Variants in XG observed in about 807,000 individuals in gnomAD.
XG encodes glycoprotein Xg.
A neutral mutation model predicts 25.7 loss-of-function variants in XG; 24 were observed. That is an observed-to-expected ratio of 0.93 (90% CI 0.68 to 1.31). The LOEUF is 1.31. XG is among the 40% of genes most tolerant of loss of function. XG has a pLI of 0.00. For synonymous variants in XG, 77 were observed against 69.2 expected, an observed-to-expected ratio of 1.11 and a Z score of -0.56; for missense variants, 181 against 187.6, an observed-to-expected ratio of 0.96 and a Z score of 0.21.
chrX:2,790,961 T>C (rs1400990242), intron 5 of XG, among the ~76,000 whole-genome samples: 1 of 61,274 alleles, frequency 1.6e-5, no homozygotes, highest in Non-Finnish European at 3.8e-5. Flanking sequence ...ATTTAGTTGA[T>C]AGTAAATAAA....
At chrX:2,760,800 C>CCAA (rs1284038267) in intron 1 of XG, among the ~76,000 whole-genome samples, 1 of 150,672 alleles carries the variant, frequency 6.6e-6, no homozygotes, top group Non-Finnish European at 1.5e-5. Context: ...GGGCCCTGAT[C>CCAA]CAACAGGACT....
At chrX:2,771,566 G>A (rs2535442) in intron 2 of XG, among the ~76,000 whole-genome samples, 29,517 of 152,130 alleles carry the variant, frequency 0.19, 2,870 homozygotes, top group East Asian at 0.31. Context: ...GACCGCGGTG[G>A]GTGGGAGAAA....
intron 1 of XG, among the ~76,000 whole-genome samples, chrX:2,768,423 C>T (rs779222980): frequency 6.6e-5 from 10 of 152,292 alleles, no homozygotes; most frequent in South Asian, 4.1e-4. Flanking sequence ...GAGGCTGACA[C>T]GGTTCCTGTC....
intron 7 of XG, among the ~76,000 whole-genome samples, chrX:2,806,411 C>G (rs2086998298): frequency 9.1e-6 from 1 of 110,241 alleles, no homozygotes; most frequent in African/African-American, 3.3e-5. Context: ...TTTTTTTAAC[C>G]AACATTTGCT....
intron 7 of XG, among the ~76,000 whole-genome samples, chrX:2,806,269 T>C (rs1432914337): frequency 9.0e-6 from 1 of 110,719 alleles, no homozygotes; most frequent in Admixed American, 9.7e-5. Context: ...GCTCAAGTGG[T>C]CTTACCGCCT....
chrX:2,787,281 A>G (rs2086793724), intron 4 of XG, among the ~76,000 whole-genome samples: 1 of 111,110 alleles, frequency 9.0e-6, no homozygotes, highest in Non-Finnish European at 1.9e-5. Context: ...ACAGACACAC[A>G]CAGAGGGACG....
intron 10 of XG, among the ~76,000 whole-genome samples, chrX:2,813,519 C>G (rs767172149): frequency 1.8e-4 from 20 of 112,146 alleles, no homozygotes; most frequent in African/African-American, 6.1e-4. Context: ...TTCTCTGTCT[C>G]CTAAAGGATG....
intron 8 of XG, among the ~76,000 whole-genome samples, chrX:2,807,602 G>A (rs1368956043): frequency 1.2e-4 from 14 of 112,442 alleles, no homozygotes; most frequent in African/African-American, 4.2e-4. Context: ...TGTGTGTGTG[G>A]TATGTGCATG....
chrX:2,763,325 T>C (rs992326309), intron 1 of XG, among the ~76,000 whole-genome samples: 7 of 152,128 alleles, frequency 4.6e-5, no homozygotes, highest in Non-Finnish European at 7.4e-5. Flanking sequence ...AGATAACATC[T>C]TACTATATGG....
chrX:2,756,753 G>A (rs1318965323), intron 1 of XG, among the ~76,000 whole-genome samples: 1 of 152,126 alleles, frequency 6.6e-6, no homozygotes, highest in Admixed American at 6.6e-5. Context: ...CTGTTTGACC[G>A]CCACACACTG....
At chrX:2,768,285 C>G (rs1181532062) in intron 1 of XG, among the ~76,000 whole-genome samples, 1 of 152,138 alleles carries the variant, frequency 6.6e-6, no homozygotes, top group Non-Finnish European at 1.5e-5. Flanking sequence ...TGGTCAACGG[C>G]GAACACAGAT....
chrX:2,755,338 T>A lies in XG; in HGVS notation c.61+3003T>A, dbSNP rs148839328. 7.0e-4 allele frequency among the ~76,000 whole-genome samples: 106 copies of A among 152,324 alleles called. No homozygotes were observed. The East Asian group carries it at 0.012, about 17-fold the overall frequency. Reference sequence around the variant, plus strand: ...CTTGGATTATTCATGCCTCCCCTTTTTAGACCATGCAGAGTTCCTGACATT... The same window carrying A: ...CTTGGATTATTCATGCCTCCCCTTTATAGACCATGCAGAGTTCCTGACATT... On this transcript the variant is annotated intron_variant, in intron 1 of 10. Coordinates refer to ENST00000644266, the MANE Select transcript of XG (RefSeq NM_001141919.2).
intron 1 of XG, among the ~76,000 whole-genome samples, chrX:2,753,918 TA>T (rs2050381793): frequency 6.6e-6 from 1 of 152,086 alleles, no homozygotes; most frequent in South Asian, 2.1e-4. Flanking sequence ...CAATGTTCAA[TA>T]AATTATGTGA....
intron 2 of XG, among the ~76,000 whole-genome samples, chrX:2,772,368 C>T (rs1210140363): frequency 1.3e-5 from 2 of 152,168 alleles, no homozygotes; most frequent in Non-Finnish European, 2.9e-5. Flanking sequence ...CTCCAGGCAA[C>T]AGAATATGAT....
Position 2,815,890 on chromosome X carries a change from A to G in XG, c.*1510A>G, listed in dbSNP as rs1178638879. 8.9e-6 allele frequency: 1 copy of G among 111,738 alleles called. No homozygotes were observed. The highest frequency in any genetic ancestry group is 9.6e-5 in the Admixed American group (1 of 10,456). 9.2% of individuals were successfully genotyped at this position (111,738 alleles called of 1,213,427 possible). A position where few individuals can be genotyped will look rare whatever the true frequency, so the allele number is the denominator to read the frequency against. The stretch of plus-strand genomic sequence containing the variant: ...CCATTTTCTAAAACTGTCATAAACT[A>G]TTTTTAATCATTTTAAATAAATGTA... On this transcript the variant is annotated 3_prime_UTR_variant, in exon 11 of 11. Coordinates refer to ENST00000644266, the MANE Select transcript of XG (RefSeq NM_001141919.2).
chrX:2,770,505 G>A (rs764485056), intron 1 of XG, 45 bp from the exon 2 acceptor site: 1 of 1,612,480 alleles, frequency 6.2e-7, no homozygotes, highest in African/African-American at 1.3e-5. Flanking sequence ...GGGGATTCTG[G>A]CCTTTCCATC....
At chrX:2,760,945 A>G (rs1429421159) in intron 1 of XG, among the ~76,000 whole-genome samples, 1 of 152,082 alleles carries the variant, frequency 6.6e-6, no homozygotes, top group Non-Finnish European at 1.5e-5. Flanking sequence ...CCACACCTTG[A>G]TCTCAGACTT....
chrX:2,770,110 G>A (rs2050784668), intron 1 of XG, among the ~76,000 whole-genome samples: 1 of 152,012 alleles, frequency 6.6e-6, no homozygotes, highest in African/African-American at 2.4e-5. Context: ...CTTGGAGAGA[G>A]GCTTCCTTCA....
intron 4 of XG, among the ~76,000 whole-genome samples, chrX:2,786,501 C>CA (rs1190529349): frequency 1.8e-5 from 2 of 109,587 alleles, no homozygotes; most frequent in Non-Finnish European, 3.8e-5. Context: ...CTCCTGACCT[C>CA]AGGTGATCTG....
Sources: allele counts gnomAD v4.1 joint callset (sites outside exome capture counted in the v4.1 genomes callset), GRCh38; gene constraint gnomAD v4.1.1; transcripts MANE v1.5; gene names NCBI Gene and HGNC (gene_info 2026-07-23, HGNC 2026-07-21).